Variants in KATNAL1 observed in about 807,000 individuals in gnomAD.
The protein encoded by KATNAL1 is katanin catalytic subunit A1 like 1.
A neutral mutation model predicts 55.2 loss-of-function variants in KATNAL1; 32 were observed. The ratio of observed to expected loss-of-function variants is 0.58; its 90% CI spans 0.44 to 0.78. The LOEUF is 0.78. Ranked by LOEUF, KATNAL1 falls within the 30% of genes least tolerant of loss-of-function variation. The pLI, the probability that KATNAL1 is intolerant of heterozygous loss-of-function variation, is 0.00. For missense variants in KATNAL1, 466 were observed against 600.9 expected (o/e 0.78, Z 2.35); for synonymous variants, 193 against 193.6 (o/e 1.00, Z 0.02).
intron 3 of KATNAL1, among the ~76,000 whole-genome samples, chr13:30,274,662 T>C (rs562522166): frequency 1.3e-5 from 2 of 152,294 alleles, no homozygotes; most frequent in East Asian, 1.9e-4. Flanking sequence ...AAGAACAGTA[T>C]GGAGAGTCCT....
At chr13:30,259,475 T>G (rs546849032) in intron 3 of KATNAL1, among the ~76,000 whole-genome samples, 3 of 152,082 alleles carry the variant, frequency 2.0e-5, no homozygotes, top group Non-Finnish European at 4.4e-5. Flanking sequence ...TTCATCTCAC[T>G]AGGGAGTGCC....
At chr13:30,298,633 A>C (rs1223747563) in intron 1 of KATNAL1, among the ~76,000 whole-genome samples, 1 of 152,210 alleles carries the variant, frequency 6.6e-6, no homozygotes, top group Admixed American at 6.5e-5. Context: ...TTTTAAAATA[A>C]ATAAGCTTAT....
rs76655319 is a variant in KATNAL1, at chr13:30,295,609, A to T, written c.-15+11722T>A. On this transcript the variant is annotated intron_variant, in intron 1 of 10. Coordinates refer to ENST00000380615, the MANE Select transcript of KATNAL1 (RefSeq NM_032116.5). ...CAAGACCCCATCTCTACAAAAAATT[A>T]AAAAAAAAACTTGAATGGATGAGTT... Among the ~76,000 whole-genome samples, 541 of 148,292 alleles carry T rather than the reference A, an allele frequency of 3.6e-3. 6 individuals carry two copies. The highest frequency in any genetic ancestry group is 0.012 in the African/African-American group (483 of 40,676).
intron 4 of KATNAL1, among the ~76,000 whole-genome samples, chr13:30,251,269 G>A (rs537300412): frequency 3.6e-4 from 55 of 151,006 alleles, no homozygotes; most frequent in African/African-American, 1.2e-3. Flanking sequence ...AAATCCTTTC[G>A]TTACTTCTAT....
chr13:30,221,231 A>G (rs1242237379), intron 9 of KATNAL1, among the ~76,000 whole-genome samples: 1 of 152,212 alleles, frequency 6.6e-6, no homozygotes, highest in East Asian at 1.9e-4. Flanking sequence ...TTCCACTTCT[A>G]GCCATGATGA....
intron 6 of KATNAL1, among the ~76,000 whole-genome samples, chr13:30,234,960 C>T (rs1407214265): frequency 6.6e-6 from 1 of 152,172 alleles, no homozygotes; most frequent in Non-Finnish European, 1.5e-5. Context: ...GCCAACAAGA[C>T]TACTCAGGAT....
intron 1 of KATNAL1, among the ~76,000 whole-genome samples, chr13:30,306,030 T>C (rs1883155213): frequency 6.6e-6 from 1 of 151,924 alleles, no homozygotes; most frequent in Non-Finnish European, 1.5e-5. Context: ...GAGAAAGTTT[T>C]ATAGGATTTG....
intron 1 of KATNAL1, 58 bp from the exon 2 acceptor site, chr13:30,283,849 A>G: frequency 1.8e-6 from 2 of 1,110,326 alleles, no homozygotes; most frequent in South Asian, 3.5e-5. Context: ...TAAAACATTT[A>G]TTATTCTTTA....
chr13:30,221,549 T>A lies in KATNAL1; in HGVS notation c.1147+5863A>T, dbSNP rs150124359. ...AAATGATTCAATTGCTAAAATTAGC[T>A]GACAAAAACTATAAAGTGGTAGATT... On this transcript the variant is annotated intron_variant, in intron 9 of 10. Coordinates refer to ENST00000380615, the MANE Select transcript of KATNAL1 (RefSeq NM_032116.5). Among the ~76,000 whole-genome samples, 12 of 152,340 alleles carry A rather than the reference T, an allele frequency of 7.9e-5. No individual in the cohort carries two copies. The East Asian group carries it at 2.3e-3, about 29-fold the overall frequency.
rs147927839 is a variant in KATNAL1 at position 30,217,004 on chromosome 13, G to A, written c.1148-6562C>T. On this transcript the variant is annotated intron_variant, in intron 9 of 10. Coordinates refer to ENST00000380615, the MANE Select transcript of KATNAL1 (RefSeq NM_032116.5). ...AAAATGAACATACATAAACCTGTTC[G>A]TAAGTGAGGACCTAGTGGTACTGAA... Among the ~76,000 whole-genome samples, 107 of 150,936 alleles carry A rather than the reference G, an allele frequency of 7.1e-4. 1 individual carries two copies. The East Asian group carries it at 0.016, about 23-fold the overall frequency.
chr13:30,270,111 C>T lies in KATNAL1; in HGVS notation c.323+9952G>A, dbSNP rs1346848858. 1.1e-3 allele frequency among the ~76,000 whole-genome samples: 129 copies of T among 120,334 alleles called. 8 individuals carry two copies. Among genetic ancestry groups the T allele is most frequent in the Middle Eastern group, 6.3e-3 (1 of 160 alleles). 78.9% of individuals were successfully genotyped at this position (120,334 alleles called of 152,430 possible). A position where few individuals can be genotyped will look rare whatever the true frequency, so the allele number is the denominator to read the frequency against. On this transcript the variant is annotated intron_variant, in intron 3 of 10. Transcript: ENST00000380615. ...CCCCCGCCCGGCCAGCCGCCCCGTCCGGGAGGTGAGGGGCGCCTCTGCCCG... is the reference window on the plus strand; with the variant it reads ...CCCCCGCCCGGCCAGCCGCCCCGTCTGGGAGGTGAGGGGCGCCTCTGCCCG...
intron 1 of KATNAL1, among the ~76,000 whole-genome samples, chr13:30,298,618 A>G (rs1882675356): frequency 6.6e-6 from 1 of 152,232 alleles, no homozygotes; most frequent in South Asian, 2.1e-4. Context: ...CATAGGGACA[A>G]GAAATTTTAA....
chr13:30,306,502 A>T (rs191275841), intron 1 of KATNAL1, among the ~76,000 whole-genome samples: 27 of 152,290 alleles, frequency 1.8e-4, no homozygotes, highest in Middle Eastern at 3.4e-3. Context: ...ACCTCAAGAA[A>T]TAAAATTCAA....
intron 6 of KATNAL1, among the ~76,000 whole-genome samples, chr13:30,236,090 T>C (rs764495176): frequency 2.6e-5 from 4 of 152,164 alleles, no homozygotes; most frequent in Middle Eastern, 3.2e-3. Context: ...AGGGGCTGTC[T>C]TGTTGTCTCT....
intron 1 of KATNAL1, among the ~76,000 whole-genome samples, chr13:30,295,343 A>G (rs890588820): frequency 6.6e-6 from 1 of 152,214 alleles, no homozygotes; most frequent in Non-Finnish European, 1.5e-5. Context: ...TCCAGTCCTC[A>G]TGGATGACTC....
intron 9 of KATNAL1, among the ~76,000 whole-genome samples, chr13:30,214,618 G>T (rs973743555): frequency 3.9e-5 from 6 of 152,044 alleles, no homozygotes; most frequent in Non-Finnish European, 7.4e-5. Flanking sequence ...AAATAATGCC[G>T]CATATCTACA....
intron 3 of KATNAL1, among the ~76,000 whole-genome samples, chr13:30,275,271 G>A (rs1290638693): frequency 1.3e-5 from 2 of 152,156 alleles, no homozygotes; most frequent in African/African-American, 4.8e-5. Context: ...TGGCAAAAGA[G>A]TGAGCAAGAG....
At chr13:30,218,301 AGGAG>A (rs1241505657) in intron 9 of KATNAL1, among the ~76,000 whole-genome samples, 2 of 151,758 alleles carry the variant, frequency 1.3e-5, no homozygotes, top group African/African-American at 4.8e-5. Context: ...CTTGGTGTTT[AGGAG>A]GTCAGCCTAA....
At chr13:30,241,116 G>C (rs1168701217) in intron 4 of KATNAL1, 30 bp from the exon 5 acceptor site, 5 of 1,588,898 alleles carry the variant, frequency 3.1e-6, no homozygotes, top group Admixed American at 3.4e-5. Context: ...AAAAGTACTA[G>C]TCAGTAATGG....
Sources: allele counts gnomAD v4.1 joint callset (sites outside exome capture counted in the v4.1 genomes callset), GRCh38; gene constraint gnomAD v4.1.1; transcripts MANE v1.5; gene names NCBI Gene and HGNC (gene_info 2026-07-23, HGNC 2026-07-21).